SLC22A3: variants seen among roughly 807,000 people sequenced by gnomAD.
SLC22A3 encodes the protein solute carrier family 22 member 3.
Under a neutral mutation model 59.1 loss-of-function variants are expected in SLC22A3, and 51 were observed. The ratio of observed to expected loss-of-function variants is 0.86; its 90% CI spans 0.69 to 1.09. The LOEUF is 1.09. SLC22A3 is among the 50% of genes least tolerant of loss of function. The pLI, the probability that SLC22A3 is intolerant of heterozygous loss-of-function variation, is 0.00. For synonymous variants in SLC22A3, 325 were observed against 292.0 expected (o/e 1.11, Z -1.15); for missense variants, 711 against 726.3 (o/e 0.98, Z 0.24).
chr6:160,406,046 A>G (rs769348041), intron 2 of SLC22A3, among the ~76,000 whole-genome samples: 12 of 152,132 alleles, frequency 7.9e-5, no homozygotes, highest in Non-Finnish European at 1.5e-4. Flanking sequence ...TTGCAACATC[A>G]AGAGTGAACC....
intron 5 of SLC22A3, among the ~76,000 whole-genome samples, chr6:160,428,658 A>G (rs932435865): frequency 2.0e-5 from 3 of 152,236 alleles, no homozygotes; most frequent in Non-Finnish European, 2.9e-5. Context: ...TGTGGCCACT[A>G]GAAAATGTAA....
intron 10 of SLC22A3, among the ~76,000 whole-genome samples, chr6:160,450,358 T>C (rs1473197694): frequency 1.3e-5 from 2 of 152,226 alleles, no homozygotes; most frequent in Non-Finnish European, 2.9e-5. Context: ...AAGAAAAATA[T>C]GGCTGTATTC....
At chr6:160,393,591 C>T (rs1039608701) in intron 1 of SLC22A3, among the ~76,000 whole-genome samples, 68 of 152,188 alleles carry the variant, frequency 4.5e-4, no homozygotes, top group Admixed American at 8.5e-4. Flanking sequence ...TTTCCAGCTT[C>T]ATCCATGTCC....
intron 2 of SLC22A3, among the ~76,000 whole-genome samples, chr6:160,403,387 T>C (rs56299030): frequency 6.0e-4 from 91 of 151,994 alleles, no homozygotes; most frequent in African/African-American, 2.2e-3. Flanking sequence ...ATCTATTAAA[T>C]AAATTGAATC....
intron 1 of SLC22A3, 32 bp downstream of exon 1, chr6:160,348,880 G>A (rs372579842): frequency 3.9e-6 from 6 of 1,547,764 alleles, no homozygotes; most frequent in Admixed American, 1.9e-5. Context: ...GGAAGCCGGC[G>A]GGAGAGGACG....
chr6:160,375,668 C>T (rs1324606335), intron 1 of SLC22A3, among the ~76,000 whole-genome samples: 1 of 152,218 alleles, frequency 6.6e-6, no homozygotes, highest in Non-Finnish European at 1.5e-5. Flanking sequence ...ATTGAAAGAA[C>T]AGTGACAAGT....
intron 5 of SLC22A3, among the ~76,000 whole-genome samples, chr6:160,434,571 C>T (rs1204501909): frequency 6.6e-6 from 1 of 152,208 alleles, no homozygotes; most frequent in Non-Finnish European, 1.5e-5. Flanking sequence ...ATCACACACT[C>T]CATAAACACT....
rs1431111037 is a variant in SLC22A3, at chr6:160,415,805, A to G, written c.975+4959A>G. Among the ~76,000 whole-genome samples the G allele has an allele frequency of 1.3e-5, 2 of 152,056 alleles. No homozygotes were observed. The highest frequency in any genetic ancestry group is 1.3e-4 in the Admixed American group (2 of 15,248). Reference sequence around the variant, plus strand: ...CTCTTGTGAAAAGAACCACCTGCCAACCCCAGCCTGTTCCATTGCTGACAT... The same window carrying G: ...CTCTTGTGAAAAGAACCACCTGCCAGCCCCAGCCTGTTCCATTGCTGACAT... On this transcript the variant is annotated intron_variant, in intron 5 of 10. Transcript: ENST00000275300. This position sits in a 1 kb window ranked among gnomAD's most constrained non-coding sequence, Gnocchi z 4.1.
rs1562461925 is a variant in SLC22A3 at position 160,348,606 on chromosome 6, TGCG to T, written c.190_192del (p.Gly64del). 6.6e-7 allele frequency: 1 copy of T among 1,508,818 alleles called. No individual in the cohort carries two copies. Among genetic ancestry groups the T allele is most frequent in the South Asian group, 1.2e-5 (1 of 81,518 alleles). The allele number at this position is 1,508,818 out of a possible 1,614,324, so 93.5% of individuals were successfully genotyped here. ...AAGTGCCGCGGCGCTGGCCGAGCGC[TGCG>T]GCTGGAGCCCGGAGGAGGAGTGGAA... is the stretch of plus-strand genomic sequence containing the variant. On this transcript the variant is annotated inframe_deletion, in exon 1 of 11. Transcript: ENST00000275300.
At chr6:160,390,443 C>G (rs1421704150) in intron 1 of SLC22A3, among the ~76,000 whole-genome samples, 1 of 152,168 alleles carries the variant, frequency 6.6e-6, no homozygotes, top group East Asian at 1.9e-4. Context: ...GCTCCCTCTT[C>G]TCCTGTGCTC....
intron 5 of SLC22A3, among the ~76,000 whole-genome samples, chr6:160,425,425 A>T (rs1265821493): frequency 6.6e-6 from 1 of 152,182 alleles, no homozygotes; most frequent in African/African-American, 2.4e-5. Flanking sequence ...TTTTAAAATA[A>T]CCTCTGTGAA....
intron 8 of SLC22A3, among the ~76,000 whole-genome samples, chr6:160,443,253 G>A (rs905247150): frequency 2.6e-5 from 4 of 152,216 alleles, no homozygotes; most frequent in African/African-American, 9.7e-5. Context: ...TGAGCAGCTG[G>A]TTATGAAGGA....
chr6:160,427,011 T>C (rs1203883284), intron 5 of SLC22A3, among the ~76,000 whole-genome samples: 1 of 152,118 alleles, frequency 6.6e-6, no homozygotes, highest in Non-Finnish European at 1.5e-5. Context: ...CTCTAGTTAC[T>C]GGAGATTCTT....
At chr6:160,385,746 C>A (rs539117856) in intron 1 of SLC22A3, among the ~76,000 whole-genome samples, 274 of 152,326 alleles carry the variant, frequency 1.8e-3, no homozygotes, top group African/African-American at 6.4e-3. Flanking sequence ...GCTTACCTCC[C>A]TCGCAGGCTC....
chr6:160,372,527 T>C (rs1785438361), intron 1 of SLC22A3, among the ~76,000 whole-genome samples: 1 of 152,222 alleles, frequency 6.6e-6, no homozygotes, highest in Non-Finnish European at 1.5e-5. Context: ...ATTTCCTGAA[T>C]TTGAATGTTG....
rs115229414 is a variant in SLC22A3, at chr6:160,447,953, A to C, written c.1610+135A>C. On this transcript the variant is annotated intron_variant, in intron 10 of 10. Coordinates refer to ENST00000275300, the MANE Select transcript of SLC22A3 (RefSeq NM_021977.4). ...TCCTCATCTCATATTGTAAGCAAAAAATTCAAAGTAGATACAAAAGGTTAA... is the reference window on the plus strand; with the variant it reads ...TCCTCATCTCATATTGTAAGCAAAACATTCAAAGTAGATACAAAAGGTTAA... 1,124 of 751,806 alleles carry C rather than the reference A, an allele frequency of 1.5e-3. 6 individuals are homozygous for C. In the African/African-American group the frequency reaches 0.015, roughly 10 times the overall value. The allele number at this position is 751,806 out of a possible 1,614,324, so 46.6% of individuals were successfully genotyped here.
At chr6:160,351,912 C>T (rs1031627322) in intron 1 of SLC22A3, among the ~76,000 whole-genome samples, 12 of 152,212 alleles carry the variant, frequency 7.9e-5, no homozygotes, top group African/African-American at 2.7e-4. Flanking sequence ...CCACTTTCCT[C>T]CATAAAGTGC....
intron 5 of SLC22A3, among the ~76,000 whole-genome samples, chr6:160,432,419 T>A (rs440134): frequency 0.26 from 39,728 of 150,456 alleles, 5,484 homozygotes; most frequent in South Asian, 0.39. Flanking sequence ...GTTACAAAAA[T>A]AATGTAGGCT....
At chr6:160,447,611 G>T in intron 9 of SLC22A3, 108 bp from the exon 10 acceptor site, 2 of 890,092 alleles carry the variant, frequency 2.2e-6, no homozygotes, top group South Asian at 1.3e-5. Context: ...TGCTGTGGTT[G>T]AGAGCTACTC....
Sources: allele counts gnomAD v4.1 joint callset (sites outside exome capture counted in the v4.1 genomes callset), GRCh38; gene constraint gnomAD v4.1.1; non-coding constraint Gnocchi (gnomAD v3.1); transcripts MANE v1.5; gene names NCBI Gene and HGNC (gene_info 2026-07-23, HGNC 2026-07-21).